RPUSD4: variants seen among roughly 807,000 people sequenced by gnomAD.
The protein encoded by RPUSD4 is pseudouridylate synthase RPUSD4, mitochondrial.
In RPUSD4, 37 loss-of-function variants were observed where a neutral mutation model predicts 35.4. The ratio of observed to expected loss-of-function variants is 1.04; its 90% confidence interval spans 0.80 to 1.37. The LOEUF (loss-of-function observed/expected upper bound fraction) is 1.37. Ranked by LOEUF, RPUSD4 falls within the 40% of genes most tolerant of loss-of-function variation. The pLI is 0.00. For synonymous variants in RPUSD4, 210 were observed against 192.7 expected (o/e 1.09, Z -0.74); for missense variants, 507 against 484.9 (o/e 1.05, Z -0.43).
At chr11:126,206,042 A>G (rs1949771183) in intron 3 of RPUSD4, 1 of 334,064 alleles carries the variant, frequency 3.0e-6, no homozygotes, top group Non-Finnish European at 5.4e-6. Context: ...CATTAATAAC[A>G]TGGTCTTTCC....
chr11:126,203,717 T>G (rs1949738982), intron 6 of RPUSD4, 60 bp from the exon 7 acceptor site: 1 of 1,561,838 alleles, frequency 6.4e-7, no homozygotes. Context: ...TTGACGAACA[T>G]GCAAGGTCAG....
chr11:126,209,465 G>A (rs1365558705), intron 3 of RPUSD4, 56 bp downstream of exon 3: 1 of 1,438,658 alleles, frequency 7.0e-7, no homozygotes, highest in Non-Finnish European at 9.7e-7. Flanking sequence ...TGAATAAATA[G>A]GTGAAAGAAA....
In RPUSD4 at chr11:126,209,560, TG is replaced by T; in HGVS notation, c.517del (p.Gln173LysfsTer10). On this transcript the variant is annotated frameshift_variant, in exon 3 of 7. Transcript: ENST00000298317. LOFTEE classifies it high-confidence loss of function. ...CACCTGACGGGTTCTAAACAACTCT[TG>T]GACTTGATGTGCCATGTCCTTGTCC... is the stretch of plus-strand genomic sequence containing the variant. Reference protein sequence around the residue: ...AWDKDMAHQVQELFRTRQVVK... With the variant: ...AWDKDMAHQVXELFRTRQVVK... The T allele has an allele frequency of 6.2e-7, 1 of 1,614,248 alleles. No homozygotes were observed. The highest frequency in any genetic ancestry group is 8.5e-7 in the Non-Finnish European group (1 of 1,180,050).
In RPUSD4 at chr11:126,206,979, C is replaced by T. The variant is rs564792696; in HGVS notation, c.558-1198G>A. Among the ~76,000 whole-genome samples the T allele has an allele frequency of 1.2e-4, 19 of 152,168 alleles. No individual in the cohort carries two copies. The East Asian group carries it at 1.9e-3, about 15-fold the overall frequency. On this transcript the variant is annotated intron_variant, in intron 3 of 6. Coordinates refer to ENST00000298317, the MANE Select transcript of RPUSD4 (RefSeq NM_032795.3). ...TTCAATTCCTCCATGAACCTGATAC[C>T]GAGAATGGTTACCAATTTTGAACCT... is the stretch of plus-strand genomic sequence containing the variant.
chr11:126,211,208 T>A, intron 1 of RPUSD4, 153 bp from the exon 2 acceptor site: 5 of 1,000,254 alleles, frequency 5.0e-6, no homozygotes, highest in Non-Finnish European at 7.4e-6. Context: ...GAGATACCCA[T>A]CTGTCTAACC....
At chr11:126,208,670 T>C (rs1190268052) in intron 3 of RPUSD4, 1 of 152,290 alleles carries the variant, frequency 6.6e-6, no homozygotes. Flanking sequence ...TATATATGTG[T>C]ACATACATAT....
In RPUSD4 at chr11:126,205,975, T is replaced by A. The variant is rs1299990325; in HGVS notation, c.558-194A>T. The A allele has an allele frequency of 8.6e-6, 4 of 463,264 alleles. No homozygotes were observed. In the East Asian group the frequency reaches 9.6e-5, roughly 11 times the overall value. 28.7% of individuals were successfully genotyped at this position (463,264 alleles called of 1,614,324 possible). ...GATTTCACAAGCTTATCTTTTTTAC[T>A]ACTAAAGTCATACATGCTAATTGTA... On this transcript the variant is annotated intron_variant, in intron 3 of 6. Coordinates refer to ENST00000298317, the MANE Select transcript of RPUSD4 (RefSeq NM_032795.3).
intron 6 of RPUSD4, 102 bp downstream of exon 6, chr11:126,204,129 G>A: frequency 1.2e-6 from 1 of 841,754 alleles, no homozygotes; most frequent in Non-Finnish European, 2.0e-6. Flanking sequence ...CATGTCTGAA[G>A]ACAATCAGTA....
At chr11:126,211,259 C>T in intron 1 of RPUSD4, 191 bp downstream of exon 1, 1 of 899,190 alleles carries the variant, frequency 1.1e-6, no homozygotes, top group Non-Finnish European at 1.7e-6. Context: ...CTGACAGTAG[C>T]CAAAGATCCA....
chr11:126,205,605 A>G lies in RPUSD4; in HGVS notation c.659T>C (p.Leu220Ser), dbSNP rs1204986648. The G allele has an allele frequency of 1.2e-6, 2 of 1,614,136 alleles. No homozygotes were observed. Among genetic ancestry groups the G allele is most frequent in the Non-Finnish European group, 1.7e-6 (2 of 1,180,024 alleles). The change falls in exon 5 of 7, where the codon TTG becomes TCG. Residue 220 changes from leucine to serine, a missense_variant. By Grantham distance (145) the Leu-to-Ser change is moderately radical. Transcript: ENST00000298317. ...QGQQQHHKMT[L>S]SPSYRMDDGK... is the part of the protein sequence containing the mutation. Reference sequence around the variant, plus strand: ...ATCGTCCATGCGGTAGCTCGGGGACAATGTCATCTGAAGCCAAAGAAATCA... The same window carrying G: ...ATCGTCCATGCGGTAGCTCGGGGACGATGTCATCTGAAGCCAAAGAAATCA...
intron 6 of RPUSD4, 117 bp downstream of exon 6, chr11:126,204,114 G>T: frequency 1.3e-6 from 1 of 773,832 alleles, no homozygotes; most frequent in South Asian, 1.6e-5. Flanking sequence ...TAATGAGCTT[G>T]GTATCATGTC....
chr11:126,210,904 CCGTA>C lies in RPUSD4; in HGVS notation c.337_340del (p.Tyr113ValfsTer46), dbSNP rs1949852861. The stretch of plus-strand genomic sequence containing the variant: ...GTGGTCCTTACCATGCACAGGGAGA[CCGTA>C]GGGCTTATTGATGACCACAAGGTTC... On this transcript the variant is annotated frameshift_variant, in exon 2 of 7. Transcript: ENST00000298317. LOFTEE classifies it high-confidence loss of function. The C allele has an allele frequency of 1.2e-6, 2 of 1,614,144 alleles. No individual in the cohort carries two copies. Among genetic ancestry groups the C allele is most frequent in the East Asian group, 4.5e-5 (2 of 44,878 alleles).
chr11:126,205,386 C>T, intron 5 of RPUSD4, 82 bp downstream of exon 5: 1 of 1,550,318 alleles, frequency 6.5e-7, no homozygotes, highest in East Asian at 2.3e-5. Context: ...AGCCACACTA[C>T]TAGCTGCTCA....
chr11:126,205,007 T>C (rs2135097180), intron 5 of RPUSD4, among the ~76,000 whole-genome samples: 1 of 152,362 alleles, frequency 6.6e-6, no homozygotes, highest in East Asian at 1.9e-4. Context: ...GGTGCATCCA[T>C]ATTGTAGCAT....
chr11:126,204,519 C>T (rs766681938), intron 5 of RPUSD4, among the ~76,000 whole-genome samples, 191 bp from the exon 6 acceptor site: 15 of 152,128 alleles, frequency 9.9e-5, no homozygotes, highest in East Asian at 7.7e-4. Flanking sequence ...AGGAAGTAAA[C>T]GCCGTAAATA....
Position 126,204,293 on chromosome 11 carries a change from CA to C in RPUSD4, c.831del (p.Phe277LeufsTer29). On this transcript the variant is annotated frameshift_variant, in exon 6 of 7. Coordinates refer to ENST00000298317, the MANE Select transcript of RPUSD4 (RefSeq NM_032795.3). LOFTEE classifies it high-confidence loss of function. ...IKHQLRVHLS[F>X]GLDCPILGDH... is the part of the protein sequence containing the mutation. ...TCACCAAGGATTGGACAATCCAATC[CA>C]AAAGACAAGTGAACTCGAAGCTGAT... The C allele has an allele frequency of 6.2e-7, 1 of 1,613,148 alleles. No homozygotes were observed. Among genetic ancestry groups the C allele is most frequent in the Non-Finnish European group, 8.5e-7 (1 of 1,179,836 alleles).
rs964993294 is a variant in RPUSD4 at position 126,202,343 on chromosome 11, TCCCTAATGG to T, written c.*1066_*1074del. 3 of 152,242 alleles carry T rather than the reference TCCCTAATGG, an allele frequency of 2.0e-5. No individual in the cohort carries two copies. Among genetic ancestry groups the T allele is most frequent in the African/African-American group, 7.2e-5 (3 of 41,456 alleles). 9.4% of individuals were successfully genotyped at this position (152,242 alleles called of 1,614,324 possible). A position where few individuals can be genotyped will look rare whatever the true frequency, so the allele number is the denominator to read the frequency against. ...GGGAGGCCAAGGTCATTTCCATCTA[TCCCTAATGG>T]TGTTCAGTATAGCCCTCTCCTTCCT... On this transcript the variant is annotated 3_prime_UTR_variant, in exon 7 of 7. Coordinates refer to ENST00000298317, the MANE Select transcript of RPUSD4 (RefSeq NM_032795.3).
Position 126,211,485 on chromosome 11 carries a change from C to G in RPUSD4, c.154G>C (p.Ala52Pro). 1 of 1,614,062 alleles carries G rather than the reference C, an allele frequency of 6.2e-7. No individual in the cohort carries two copies. Among genetic ancestry groups the G allele is most frequent in the Middle Eastern group, 1.7e-4 (1 of 6,058 alleles). ...NAQRLAEKLR[A>P]QKREQDTKKE... ...TTTGTGTCTTGTTCCCGTTTCTGGG[C>G]TCGGAGCTTCTCCGCTAATCTCTGG... Residue 52 changes from alanine (A) to proline (P), a missense_variant, in exon 1 of 7, where the codon GCC becomes CCC. Ala to Pro is a conservative substitution (Grantham distance 27, BLOSUM62 -1). Coordinates refer to ENST00000298317, the MANE Select transcript of RPUSD4 (RefSeq NM_032795.3).
chr11:126,208,273 A>C (rs1343204347), intron 3 of RPUSD4, among the ~76,000 whole-genome samples: 2 of 152,324 alleles, frequency 1.3e-5, no homozygotes, highest in African/African-American at 4.8e-5. Context: ...AAATTACCTA[A>C]ATATCCATCC....
Sources: gnomAD v4.1 joint callset for allele counts (sites outside exome capture counted in the v4.1 genomes callset) on GRCh38, gnomAD v4.1.1 for gene constraint, MANE v1.5 for transcripts, NCBI Gene and HGNC (gene_info 2026-07-23, HGNC 2026-07-21) for gene names.